The following TM4SF20 variants were observed in gnomAD, a reference collection of about 807,000 sequenced individuals.
TM4SF20 encodes transmembrane 4 L6 family member 20.
A neutral mutation model predicts 15.1 loss-of-function variants in TM4SF20; 13 were observed. The ratio of observed to expected loss-of-function variants is 0.86; its 90% CI spans 0.56 to 1.36. The LOEUF (loss-of-function observed/expected upper bound fraction) is 1.36. TM4SF20 is among the 40% of genes most tolerant of loss of function. TM4SF20 has a pLI of 0.00. For synonymous variants in TM4SF20, 92 were observed against 96.6 expected, an observed-to-expected ratio of 0.95 and a Z score of 0.28; for missense variants, 282 against 268.4, an observed-to-expected ratio of 1.05 and a Z score of -0.35.
rs559355266 is a variant in TM4SF20 at position 227,364,121 on chromosome 2, G to A, written c.402-109C>T. 1.1e-5 allele frequency: 13 copies of A among 1,153,290 alleles called. No homozygotes were observed. In the South Asian group the frequency reaches 1.3e-4, roughly 12 times the overall value. 71.4% of individuals were successfully genotyped at this position (1,153,290 alleles called of 1,614,324 possible). On this transcript the variant is annotated intron_variant, in intron 3 of 3. Transcript: ENST00000304568. The stretch of plus-strand genomic sequence containing the variant: ...GAAACGAATGTACTTTTGAAATATC[G>A]TGCCCAGAAATGACAGAGATCAGGG...
intron 1 of TM4SF20, among the ~76,000 whole-genome samples, chr2:227,377,521 A>C (rs542129131): frequency 8.5e-5 from 13 of 152,340 alleles, no homozygotes; most frequent in Non-Finnish European, 1.3e-4. Context: ...GTGATGGTAA[A>C]GGAAGAGTGT....
Position 227,368,502 on chromosome 2 carries a change from C to T in TM4SF20, c.250-2258G>A, listed in dbSNP as rs1354405530. Among the ~76,000 whole-genome samples, 3 of 151,686 alleles carry T rather than the reference C, an allele frequency of 2.0e-5. No homozygotes were observed. The East Asian group carries it at 5.8e-4, about 29-fold the overall frequency. ...AGTAGCTGGGATTACAGATGCCCGCCACTACACCTGGCTAATTTTTTTATT... is the reference window on the plus strand; with the variant it reads ...AGTAGCTGGGATTACAGATGCCCGCTACTACACCTGGCTAATTTTTTTATT... On this transcript the variant is annotated intron_variant, in intron 2 of 3. Transcript: ENST00000304568.
chr2:227,363,906 A>G lies in TM4SF20; in HGVS notation c.508T>C (p.Trp170Arg), dbSNP rs762127709. ...PTSNDTMASG[W>R]RASSFHFDSE... ...TCGAAGTGGAAACTAGATGCTCTCCAGCCACTCGCCATGGTGTCGTTACTG... is the reference window on the plus strand; with the variant it reads ...TCGAAGTGGAAACTAGATGCTCTCCGGCCACTCGCCATGGTGTCGTTACTG... Residue 170 changes from tryptophan (W) to arginine (R), a missense_variant, in exon 4 of 4, where the codon TGG becomes CGG. Physicochemically the swap from Trp to Arg is moderately radical, Grantham distance 101. Coordinates refer to ENST00000304568, the MANE Select transcript of TM4SF20 (RefSeq NM_024795.4). 3.1e-6 allele frequency: 5 copies of G among 1,614,132 alleles called. No individual in the cohort carries two copies. Among genetic ancestry groups the G allele is most frequent in the Admixed American group, 3.3e-5 (2 of 60,006 alleles).
At chr2:227,370,237 A>AT (rs1440977521) in intron 2 of TM4SF20, among the ~76,000 whole-genome samples, 1 of 152,124 alleles carries the variant, frequency 6.6e-6, no homozygotes, top group African/African-American at 2.4e-5. Flanking sequence ...AACTGAGTAC[A>AT]TTTTCCCTGA....
At chr2:227,373,031 T>C (rs544027215) in intron 1 of TM4SF20, among the ~76,000 whole-genome samples, 1 of 152,240 alleles carries the variant, frequency 6.6e-6, no homozygotes, top group East Asian at 1.9e-4. Flanking sequence ...TTAATCCCTA[T>C]TCCACACTGA....
At position 227,379,306 on chromosome 2, in the gene TM4SF20, T is replaced by C. The variant is rs774808715; in HGVS notation, c.-38A>G. On this transcript the variant is annotated 5_prime_UTR_variant, in exon 1 of 4. Transcript: ENST00000304568. ...CTCAGAAACGTTGTCAAAGTGGCTA[T>C]GCTTGCATGGTACTATGTTGCCTTT... 4 of 1,589,656 alleles carry C rather than the reference T, an allele frequency of 2.5e-6. No individual in the cohort carries two copies. Among genetic ancestry groups the C allele is most frequent in the East Asian group, 4.5e-5 (2 of 44,748 alleles).
chr2:227,369,209 A>G (rs2076408371), intron 2 of TM4SF20, among the ~76,000 whole-genome samples: 2 of 152,252 alleles, frequency 1.3e-5, no homozygotes, highest in African/African-American at 4.8e-5. Context: ...TTGTAATCCT[A>G]GATAAATATC....
At position 227,373,275 on chromosome 2, in the gene TM4SF20, A is replaced by T. The variant is rs1327185106; in HGVS notation, c.184-2295T>A. The stretch of plus-strand genomic sequence containing the variant: ...TCTGATGATGTACTGCCTCCATGTC[A>T]CTTTGTATTATTATCAAGCTTTGCT... On this transcript the variant is annotated intron_variant, in intron 1 of 3. Transcript: ENST00000304568. Among the ~76,000 whole-genome samples the T allele has an allele frequency of 2.8e-5, 4 of 145,194 alleles. No homozygotes were observed. In the East Asian group the frequency reaches 7.7e-4, roughly 28 times the overall value.
upstream of TM4SF20, among the ~76,000 whole-genome samples, chr2:227,380,909 G>T (rs955005119): frequency 9.9e-5 from 15 of 152,120 alleles, no homozygotes; most frequent in Non-Finnish European, 1.6e-4. Context: ...CAGACTAGGG[G>T]GTCCAGTTAC....
chr2:227,363,495 C>T lies in TM4SF20; in HGVS notation c.*229G>A. The T allele has an allele frequency of 4.9e-6, 2 of 408,362 alleles. No individual in the cohort carries two copies. Among genetic ancestry groups the T allele is most frequent in the Non-Finnish European group, 8.7e-6 (2 of 228,926 alleles). The allele number at this position is 408,362 out of a possible 1,614,324, so 25.3% of individuals were successfully genotyped here. On this transcript the variant is annotated 3_prime_UTR_variant, in exon 4 of 4. Transcript: ENST00000304568. ...TCTCATCCTCCTTCCCTTCTCCTTT[C>T]TCTACACACAGTGAAGAGGTAAAAA...
At chr2:227,370,015 A>G (rs2106491469) in intron 2 of TM4SF20, among the ~76,000 whole-genome samples, 4 of 152,338 alleles carry the variant, frequency 2.6e-5, no homozygotes, top group Admixed American at 2.6e-4. Context: ...TTTTGAGAGA[A>G]TTAAATGAAA....
intron 1 of TM4SF20, 121 bp downstream of exon 1, chr2:227,378,965 A>C (rs773326015): frequency 1.8e-5 from 16 of 896,980 alleles, no homozygotes; most frequent in Non-Finnish European, 2.6e-5. Context: ...ATGCCATACT[A>C]CTGCTCCAAA....
At chr2:227,380,391 G>T (rs1341791382), upstream of TM4SF20, among the ~76,000 whole-genome samples, 1 of 152,100 alleles carries the variant, frequency 6.6e-6, no homozygotes, top group Non-Finnish European at 1.5e-5. Context: ...ATCTAAATGG[G>T]GTCATGGTAG....
At chr2:227,364,057 AC>A (rs1278979435) in intron 3 of TM4SF20, 45 bp from the exon 4 acceptor site, 1 of 1,551,004 alleles carries the variant, frequency 6.4e-7, no homozygotes, top group African/African-American at 1.4e-5. Flanking sequence ...AATATCCCTG[AC>A]CAAAGGAAAG....
At chr2:227,375,429 A>G (rs927519609) in intron 1 of TM4SF20, among the ~76,000 whole-genome samples, 2 of 152,288 alleles carry the variant, frequency 1.3e-5, no homozygotes, top group Non-Finnish European at 1.5e-5. Flanking sequence ...GAAAACCCAC[A>G]AAAGTATATT....
chr2:227,374,088 T>TAAAAA (rs79866106), intron 1 of TM4SF20, among the ~76,000 whole-genome samples: 8 of 85,300 alleles, frequency 9.4e-5, no homozygotes, highest in African/African-American at 3.2e-4. Flanking sequence ...AGACCCTGTC[T>TAAAAA]AAAAAAAAAA....
At chr2:227,380,234 G>A (rs1010010154), upstream of TM4SF20, among the ~76,000 whole-genome samples, 1 of 152,202 alleles carries the variant, frequency 6.6e-6, no homozygotes, top group African/African-American at 2.4e-5. Flanking sequence ...GGAGGCTGAG[G>A]CCAGAGAATC....
chr2:227,376,051 G>A (rs2076448900), intron 1 of TM4SF20, among the ~76,000 whole-genome samples: 1 of 152,118 alleles, frequency 6.6e-6, no homozygotes, highest in Non-Finnish European at 1.5e-5. Flanking sequence ...CTTAGTCATA[G>A]TTTTAGAAGA....
At chr2:227,367,600 G>C (rs547650831) in intron 2 of TM4SF20, among the ~76,000 whole-genome samples, 1 of 152,302 alleles carries the variant, frequency 6.6e-6, no homozygotes, top group African/African-American at 2.4e-5. Flanking sequence ...AATGAAGCGA[G>C]GGAATGCTTT....
Sources: allele counts gnomAD v4.1 joint callset (sites outside exome capture counted in the v4.1 genomes callset), GRCh38; gene constraint gnomAD v4.1.1; transcripts MANE v1.5; gene names NCBI Gene and HGNC (gene_info 2026-07-23, HGNC 2026-07-21).